CDH13: variants seen among roughly 807,000 people sequenced by gnomAD.
CDH13 encodes the protein cadherin-13.
A neutral mutation model predicts 63.8 loss-of-function variants in CDH13; 24 were observed. The observed-to-expected ratio is 0.38, with a 90% CI of 0.27 to 0.53. The LOEUF (loss-of-function observed/expected upper bound fraction) is 0.53, where lower values mean the gene tolerates loss of function less well. CDH13 is among the 20% of genes least tolerant of loss of function. The pLI, the probability that CDH13 is intolerant of heterozygous loss-of-function variation, is 0.85. For synonymous variants in CDH13, 503 were observed against 355.3 expected, an observed-to-expected ratio of 1.42 and a Z score of -4.67; for missense variants, 1,049 against 903.1, an observed-to-expected ratio of 1.16 and a Z score of -2.07.
chr16:83,431,721 C>T (rs1452091793), intron 6 of CDH13, among the ~76,000 whole-genome samples: 1 of 152,068 alleles, frequency 6.6e-6, no homozygotes, highest in African/African-American at 2.4e-5. Context: ...TTTCAAACAA[C>T]CAGGTCTCAT....
At chr16:83,709,823 A>G (rs1907732264) in intron 10 of CDH13, among the ~76,000 whole-genome samples, 1 of 152,224 alleles carries the variant, frequency 6.6e-6, no homozygotes, top group Non-Finnish European at 1.5e-5. Flanking sequence ...CATATGGAAA[A>G]TCTATTTGAT....
chr16:83,452,647 A>G (rs2072915246), intron 6 of CDH13, among the ~76,000 whole-genome samples: 2 of 152,242 alleles, frequency 1.3e-5, no homozygotes, highest in African/African-American at 4.8e-5. Flanking sequence ...GGTTCCTGCA[A>G]AGACAAACAT....
intron 6 of CDH13, among the ~76,000 whole-genome samples, chr16:83,367,281 A>G (rs1336651187): frequency 6.6e-6 from 1 of 152,138 alleles, no homozygotes; most frequent in Non-Finnish European, 1.5e-5. Context: ...GGTTTTATTC[A>G]TGTTGTAACA....
chr16:82,919,743 G>A (rs1008745961), intron 2 of CDH13, among the ~76,000 whole-genome samples: 1 of 152,168 alleles, frequency 6.6e-6, no homozygotes, highest in East Asian at 1.9e-4. Context: ...TTAAGCCGCG[G>A]TATAATTCTG....
intron 5 of CDH13, among the ~76,000 whole-genome samples, chr16:83,330,976 C>T (rs772806262): frequency 1.3e-5 from 2 of 152,176 alleles, no homozygotes; most frequent in Non-Finnish European, 2.9e-5. Context: ...ATAATATTTA[C>T]TTAATGATTG....
At chr16:83,508,586 C>G (rs532879899) in intron 7 of CDH13, among the ~76,000 whole-genome samples, 1 of 152,144 alleles carries the variant, frequency 6.6e-6, no homozygotes, top group Non-Finnish European at 1.5e-5. Context: ...GATTACCATC[C>G]CTTCTTGACC....
rs550126650 is a variant in CDH13 at position 82,646,041 on chromosome 16, C to T, written c.45+18904C>T. Among the ~76,000 whole-genome samples, 14 of 152,338 alleles carry T rather than the reference C, an allele frequency of 9.2e-5. No individual in the cohort carries two copies. In the South Asian group the frequency reaches 1.7e-3, roughly 18 times the overall value. On this transcript the variant is annotated intron_variant, in intron 1 of 13. Transcript: ENST00000567109. ...CACTTAAGTGGTGACTTCACAAAGT[C>T]TGGGATCTTCAAGAGCAAACAATGA...
intron 9 of CDH13, among the ~76,000 whole-genome samples, chr16:83,674,733 T>C (rs1436563016): frequency 6.6e-6 from 1 of 152,254 alleles, no homozygotes; most frequent in African/African-American, 2.4e-5. Context: ...CCAGTGGCTC[T>C]GACAGATGAG....
intron 1 of CDH13, among the ~76,000 whole-genome samples, chr16:82,791,823 C>T (rs1417493740): frequency 1.3e-5 from 2 of 152,194 alleles, no homozygotes; most frequent in Non-Finnish European, 2.9e-5. Flanking sequence ...CCCACGGCTT[C>T]TAATAGAGCT....
At chr16:83,786,872 G>T (rs1033711077) in intron 13 of CDH13, among the ~76,000 whole-genome samples, 1 of 152,162 alleles carries the variant, frequency 6.6e-6, no homozygotes, top group Admixed American at 6.5e-5. Context: ...ACAGGTGTGA[G>T]CCACCACACC....
chr16:82,895,800 C>T (rs2041235571), intron 2 of CDH13, among the ~76,000 whole-genome samples: 1 of 151,870 alleles, frequency 6.6e-6, no homozygotes, highest in Non-Finnish European at 1.5e-5. Context: ...CACTCAGGAG[C>T]TTGAACACGT....
intron 1 of CDH13, among the ~76,000 whole-genome samples, chr16:82,847,396 A>G (rs1290419231): frequency 2.6e-5 from 4 of 152,162 alleles, no homozygotes; most frequent in Non-Finnish European, 5.9e-5. Flanking sequence ...TCCAGTTTCT[A>G]GGGGCCACCC....
chr16:82,654,811 C>T (rs927046783), intron 1 of CDH13, among the ~76,000 whole-genome samples: 2 of 152,026 alleles, frequency 1.3e-5, no homozygotes, highest in East Asian at 1.9e-4. Flanking sequence ...GTATTAACCA[C>T]GTGAAGCAGC....
At chr16:82,823,883 A>T (rs929236730) in intron 1 of CDH13, 1 of 152,182 alleles carries the variant, frequency 6.6e-6, no homozygotes, top group African/African-American at 2.4e-5. Context: ...TTAGAAATTC[A>T]TGTATTCTCT....
chr16:83,569,207 G>T (rs1188480615), intron 7 of CDH13, among the ~76,000 whole-genome samples: 1 of 152,020 alleles, frequency 6.6e-6, no homozygotes, highest in African/African-American at 2.4e-5. Context: ...TCGTCCACCT[G>T]GGAGACTCCT....
rs146946742 is a variant in CDH13 at position 82,654,218 on chromosome 16, G to C, written c.45+27081G>C. 7.8e-3 allele frequency among the ~76,000 whole-genome samples: 1,185 copies of C among 152,278 alleles called. 16 individuals carry two copies. Among genetic ancestry groups the C allele is most frequent in the South Asian group, 0.058 (279 of 4,826 alleles). On this transcript the variant is annotated intron_variant, in intron 1 of 13. Coordinates refer to ENST00000567109, the MANE Select transcript of CDH13 (RefSeq NM_001257.5). ...CCTAGAGATTCTGGGGAGACAGCAG[G>C]TCCGAGTCTCTCTGCCTGAAACCTC...
intron 2 of CDH13, among the ~76,000 whole-genome samples, chr16:83,014,461 T>C (rs1464807107): frequency 6.6e-6 from 1 of 151,522 alleles, no homozygotes; most frequent in Admixed American, 6.6e-5. Flanking sequence ...TGGCCGACCA[T>C]GGTGGCTTAT....
intron 7 of CDH13, among the ~76,000 whole-genome samples, chr16:83,552,292 G>A (rs970704500): frequency 6.6e-6 from 1 of 152,100 alleles, no homozygotes; most frequent in Non-Finnish European, 1.5e-5. Context: ...GGTCAGAATG[G>A]GAGGCCAGAA....
intron 2 of CDH13, among the ~76,000 whole-genome samples, chr16:82,988,966 G>T (rs1169831622): frequency 6.6e-6 from 1 of 152,076 alleles, no homozygotes; most frequent in Admixed American, 6.6e-5. Context: ...TATATCTCCA[G>T]TGCCAAAGAC....
Sources: gnomAD v4.1 joint callset for allele counts (sites outside exome capture counted in the v4.1 genomes callset) on GRCh38, gnomAD v4.1.1 for gene constraint, MANE v1.5 for transcripts, NCBI Gene and HGNC (gene_info 2026-07-23, HGNC 2026-07-21) for gene names.